Variants in PLCG2 observed in about 807,000 individuals in gnomAD.
PLCG2 encodes the protein phospholipase C gamma 2.
A neutral mutation model predicts 175.6 loss-of-function variants in PLCG2; 69 were observed. The observed-to-expected ratio is 0.39, with a 90% confidence interval of 0.32 to 0.48. The LOEUF (loss-of-function observed/expected upper bound fraction) is 0.48, where lower values mean the gene tolerates loss of function less well. Among genes scored for constraint, PLCG2 ranks in the 20% least tolerant of loss-of-function variants. The pLI is 0.91. For missense variants in PLCG2, 1,798 were observed against 1,650.9 expected (o/e 1.09, Z -1.54); for synonymous variants, 827 against 624.0 (o/e 1.33, Z -4.85).
At chr16:81,752,631 C>G (rs1002818686) in intron 1 of PLCG2, among the ~76,000 whole-genome samples, 2 of 152,228 alleles carry the variant, frequency 1.3e-5, no homozygotes, top group African/African-American at 2.4e-5. Flanking sequence ...TTAGCTCCCC[C>G]TCCCCAGCCA....
chr16:81,846,896 T>A (rs537036169), intron 2 of PLCG2, among the ~76,000 whole-genome samples: 15 of 152,306 alleles, frequency 9.8e-5, no homozygotes, highest in African/African-American at 3.6e-4. Flanking sequence ...ATGTGTATGG[T>A]TTTCCCCCCA....
At chr16:81,805,500 G>GAAAAAAA (rs1316978784) in intron 2 of PLCG2, among the ~76,000 whole-genome samples, 1 of 54,180 alleles carries the variant, frequency 1.8e-5, no homozygotes, top group African/African-American at 5.8e-5. Context: ...CTCCATCTCA[G>GAAAAAAA]AAAAAAAAAA....
At chr16:81,890,074 C>G (rs973408418) in intron 10 of PLCG2, among the ~76,000 whole-genome samples, 3 of 151,992 alleles carry the variant, frequency 2.0e-5, no homozygotes, top group Admixed American at 6.6e-5. Flanking sequence ...GGCCACAGGA[C>G]CAGTGGGCGG....
intron 18 of PLCG2, among the ~76,000 whole-genome samples, chr16:81,912,099 A>G (rs908073701): frequency 1.3e-5 from 2 of 151,228 alleles, no homozygotes; most frequent in Non-Finnish European, 2.9e-5. Context: ...GCCTGGCCCA[A>G]TTTTTGTATT....
intron 7 of PLCG2, among the ~76,000 whole-genome samples, chr16:81,871,897 T>A (rs4997769): frequency 6.6e-6 from 1 of 151,686 alleles, no homozygotes; most frequent in Admixed American, 6.6e-5. Context: ...TCTATCCATA[T>A]TATGTGACAT....
At chr16:81,775,041 C>T (rs1910369370), upstream of PLCG2, among the ~76,000 whole-genome samples, 2 of 152,138 alleles carry the variant, frequency 1.3e-5, no homozygotes, top group South Asian at 2.1e-4. Context: ...CCAATGTGCC[C>T]AGTCCACAGA....
At chr16:81,895,134 T>A (rs7199267) in intron 12 of PLCG2, among the ~76,000 whole-genome samples, 51,568 of 152,180 alleles carry the variant, frequency 0.34, 10,674 homozygotes, top group East Asian at 0.72. Flanking sequence ...CCATTTCTGT[T>A]TGAAAATATT....
chr16:81,949,014 T>C (rs772521424), intron 31 of PLCG2, among the ~76,000 whole-genome samples: 2 of 152,170 alleles, frequency 1.3e-5, no homozygotes, highest in African/African-American at 2.4e-5. Flanking sequence ...ATTCAGAGAA[T>C]AGACCTGATT....
intron 2 of PLCG2, among the ~76,000 whole-genome samples, chr16:81,839,631 C>G (rs1905715175): frequency 6.6e-6 from 1 of 151,910 alleles, no homozygotes; most frequent in Non-Finnish European, 1.5e-5. Context: ...TTAGAGGTGC[C>G]AGGTATGTAT....
intron 2 of PLCG2, among the ~76,000 whole-genome samples, chr16:81,836,842 C>G (rs558178307): frequency 6.6e-6 from 1 of 152,344 alleles, no homozygotes; most frequent in South Asian, 2.1e-4. Context: ...TCAGCCTCCC[C>G]ACCTGTGGAA....
At chr16:81,780,827 G>T (rs1158165207) in intron 1 of PLCG2, among the ~76,000 whole-genome samples, 2 of 152,178 alleles carry the variant, frequency 1.3e-5, no homozygotes, top group African/African-American at 4.8e-5. Context: ...AAGCGTTCCA[G>T]ACCAGCCTCA....
At chr16:81,900,816 G>C in intron 14 of PLCG2, 36 bp downstream of exon 14, 3 of 1,573,814 alleles carry the variant, frequency 1.9e-6, no homozygotes, top group Non-Finnish European at 2.6e-6. Context: ...GCTGTCCAGG[G>C]AGCCCAGTGG....
intron 2 of PLCG2, among the ~76,000 whole-genome samples, chr16:81,851,760 G>A (rs528820384): frequency 1.1e-4 from 16 of 152,274 alleles, no homozygotes; most frequent in South Asian, 1.0e-3. Context: ...TGATCTGCCC[G>A]CCTTGGCCTC....
intron 31 of PLCG2, among the ~76,000 whole-genome samples, chr16:81,951,188 C>T (rs1007968284): frequency 6.6e-6 from 1 of 152,062 alleles, no homozygotes; most frequent in East Asian, 1.9e-4. Context: ...GCTTTGCTGC[C>T]TAGGCTGCTC....
chr16:81,784,297 A>G (rs1208129485), intron 1 of PLCG2, among the ~76,000 whole-genome samples: 5 of 152,310 alleles, frequency 3.3e-5, no homozygotes, highest in South Asian at 4.2e-4. Context: ...GCCTTCCCCA[A>G]TGGCTGATTA....
chr16:81,774,536 A>T (rs1192957742), upstream of PLCG2, among the ~76,000 whole-genome samples: 1 of 151,962 alleles, frequency 6.6e-6, no homozygotes, highest in Non-Finnish European at 1.5e-5. Context: ...GTCGCCACGG[A>T]TGTGTGCTTC....
At chr16:81,942,709 C>CTT (rs1417832685) in intron 30 of PLCG2, among the ~76,000 whole-genome samples, 1 of 152,166 alleles carries the variant, frequency 6.6e-6, no homozygotes, top group East Asian at 1.9e-4. Flanking sequence ...GAGACTATGA[C>CTT]TTAACTTGCT....
intron 2 of PLCG2, among the ~76,000 whole-genome samples, chr16:81,843,324 C>T (rs1905936045): frequency 6.6e-6 from 1 of 152,218 alleles, no homozygotes; most frequent in Admixed American, 6.6e-5. Flanking sequence ...GGTACCCTTT[C>T]TCACACCTTT....
intron 22 of PLCG2, among the ~76,000 whole-genome samples, chr16:81,924,284 G>C (rs1384534741): frequency 6.6e-6 from 1 of 152,232 alleles, no homozygotes; most frequent in Non-Finnish European, 1.5e-5. Flanking sequence ...GTGAGCACTG[G>C]TTTAAGCACC....
Sources: allele counts gnomAD v4.1 joint callset (sites outside exome capture counted in the v4.1 genomes callset), GRCh38; gene constraint gnomAD v4.1.1; transcripts MANE v1.5; gene names NCBI Gene and HGNC (gene_info 2026-07-23, HGNC 2026-07-21).